GPC6: variants seen among roughly 807,000 people sequenced by gnomAD.
GPC6 encodes glypican 6.
In GPC6, 14 loss-of-function variants were observed where a neutral mutation model predicts 55.2. The ratio of observed to expected loss-of-function variants is 0.25; its 90% confidence interval spans 0.17 to 0.40. The LOEUF is 0.40. GPC6 is among the 10% of genes least tolerant of loss of function. The pLI is 1.00. For missense variants in GPC6, 641 were observed against 708.5 expected (o/e 0.90, Z 1.08); for synonymous variants, 278 against 259.6 (o/e 1.07, Z -0.68).
intron 1 of GPC6, among the ~76,000 whole-genome samples, chr13:93,427,414 T>C (rs898697025): frequency 1.3e-5 from 2 of 151,336 alleles, no homozygotes; most frequent in Non-Finnish European, 2.9e-5. Flanking sequence ...TATAGATCAA[T>C]GGAACAGAAC....
chr13:94,173,367 G>A (rs1888639443), intron 4 of GPC6, among the ~76,000 whole-genome samples: 1 of 152,190 alleles, frequency 6.6e-6, no homozygotes, highest in South Asian at 2.1e-4. Context: ...CCAAGGATAA[G>A]ATGGCTTCCT....
At chr13:93,621,616 T>A (rs1172613576) in intron 2 of GPC6, among the ~76,000 whole-genome samples, 59 of 152,120 alleles carry the variant, frequency 3.9e-4, no homozygotes, top group Non-Finnish European at 7.4e-4. Flanking sequence ...AAAAACAATA[T>A]AAGCATGTTC....
chr13:93,335,690 G>C (rs1020998562), intron 1 of GPC6, among the ~76,000 whole-genome samples: 1 of 152,168 alleles, frequency 6.6e-6, no homozygotes, highest in African/African-American at 2.4e-5. Flanking sequence ...GAGATTTCCT[G>C]CCTCTGTCTA....
chr13:93,673,864 G>T (rs1336369559), intron 2 of GPC6, among the ~76,000 whole-genome samples: 3 of 152,146 alleles, frequency 2.0e-5, no homozygotes, highest in Non-Finnish European at 4.4e-5. Flanking sequence ...ACACATGAGA[G>T]ATTTGATTAC....
chr13:93,955,240 C>G (rs1364517868), intron 3 of GPC6, among the ~76,000 whole-genome samples: 1 of 117,370 alleles, frequency 8.5e-6, no homozygotes, highest in Non-Finnish European at 1.6e-5. Context: ...CTTGAATGAA[C>G]ATGCACACAC....
At chr13:94,381,489 T>A (rs762106081) in intron 6 of GPC6, among the ~76,000 whole-genome samples, 21 of 152,290 alleles carry the variant, frequency 1.4e-4, no homozygotes, top group Admixed American at 2.6e-4. Context: ...TTCCCCTTTT[T>A]ATCAGCACAT....
chr13:93,586,938 A>G (rs554961203), intron 2 of GPC6, among the ~76,000 whole-genome samples: 1 of 152,204 alleles, frequency 6.6e-6, no homozygotes, highest in South Asian at 2.1e-4. Flanking sequence ...TGGATATGTA[A>G]TGTTATTTAA....
intron 1 of GPC6, among the ~76,000 whole-genome samples, chr13:93,276,493 A>AGTGTGTGT (rs775217548): frequency 8.6e-5 from 8 of 93,008 alleles, no homozygotes; most frequent in East Asian, 3.5e-4. Context: ...AGAGAGAGAG[A>AGTGTGTGT]GAGTGTGTGT....
At chr13:94,088,261 C>T (rs1168713357) in intron 4 of GPC6, among the ~76,000 whole-genome samples, 1 of 152,016 alleles carries the variant, frequency 6.6e-6, no homozygotes, top group East Asian at 1.9e-4. Flanking sequence ...TAATTCAGAG[C>T]CTGATACATG....
intron 4 of GPC6, among the ~76,000 whole-genome samples, chr13:94,116,895 CT>C (rs1886450471): frequency 6.6e-6 from 1 of 152,040 alleles, no homozygotes; most frequent in Non-Finnish European, 1.5e-5. Context: ...CTTTGTCAAC[CT>C]TCAAGGCACT....
chr13:93,576,044 T>C (rs112114152), intron 2 of GPC6, among the ~76,000 whole-genome samples: 34 of 152,334 alleles, frequency 2.2e-4, no homozygotes, highest in African/African-American at 8.2e-4. Flanking sequence ...GAATCAAGAC[T>C]TACCATTCAC....
intron 5 of GPC6, among the ~76,000 whole-genome samples, chr13:94,304,805 T>C (rs982501895): frequency 6.6e-6 from 1 of 152,234 alleles, no homozygotes; most frequent in African/African-American, 2.4e-5. Context: ...TGATTTCCCA[T>C]AGCAATCTTA....
At chr13:93,971,666 T>C (rs935163108) in intron 3 of GPC6, among the ~76,000 whole-genome samples, 1 of 152,298 alleles carries the variant, frequency 6.6e-6, no homozygotes, top group African/African-American at 2.4e-5. Flanking sequence ...TAACTTAAGA[T>C]GGATAATTAC....
intron 4 of GPC6, among the ~76,000 whole-genome samples, chr13:94,080,395 G>A (rs1885059557): frequency 6.6e-6 from 1 of 152,114 alleles, no homozygotes; most frequent in Admixed American, 6.6e-5. Flanking sequence ...ATAACACAGA[G>A]AGATCTACTC....
intron 4 of GPC6, among the ~76,000 whole-genome samples, chr13:94,206,013 C>G (rs148930539): frequency 1.3e-5 from 2 of 151,964 alleles, no homozygotes; most frequent in African/African-American, 4.8e-5. Context: ...ACCTCCAAAG[C>G]AAAGGACAGA....
chr13:94,218,333 A>T (rs1357148221), intron 4 of GPC6, among the ~76,000 whole-genome samples: 1 of 152,184 alleles, frequency 6.6e-6, no homozygotes, highest in African/African-American at 2.4e-5. Context: ...CAAACTGTCC[A>T]TTCACATTGT....
chr13:93,675,975 A>C (rs1881570960), intron 2 of GPC6, among the ~76,000 whole-genome samples: 1 of 151,752 alleles, frequency 6.6e-6, no homozygotes, highest in Admixed American at 6.6e-5. Context: ...TGGGCTTTAA[A>C]AAATGGTGCC....
chr13:93,534,044 G>C (rs1354941655), intron 1 of GPC6, among the ~76,000 whole-genome samples: 3 of 152,022 alleles, frequency 2.0e-5, no homozygotes, highest in African/African-American at 7.2e-5. Context: ...GACTGGCTCT[G>C]CTTGGCCTCG....
chr13:94,252,923 G>A (rs1891401057), intron 4 of GPC6, among the ~76,000 whole-genome samples: 1 of 150,676 alleles, frequency 6.6e-6, no homozygotes, highest in Admixed American at 6.6e-5. Context: ...CTGGGGGAGG[G>A]GGATGGCTGA....
Sources: allele counts gnomAD v4.1 joint callset (sites outside exome capture counted in the v4.1 genomes callset), GRCh38; gene constraint gnomAD v4.1.1; transcripts MANE v1.5; gene names NCBI Gene and HGNC (gene_info 2026-07-23, HGNC 2026-07-21).